The following AMACR variants were observed in gnomAD, a reference collection of about 807,000 sequenced individuals.
AMACR encodes 2-methylacyl-CoA racemase.
A neutral mutation model predicts 22.2 loss-of-function variants in AMACR; 18 were observed. The ratio of observed to expected loss-of-function variants is 0.81; its 90% CI spans 0.56 to 1.20. The LOEUF is 1.20. Ranked by LOEUF, AMACR falls within the 50% of genes most tolerant of loss-of-function variation. The pLI is 0.00. For synonymous variants in AMACR, 213 were observed against 191.3 expected (o/e 1.11, Z -0.94); for missense variants, 499 against 490.6 (o/e 1.02, Z -0.16).
chr5:33,992,130 C>T (rs571309675), intron 4 of AMACR, among the ~76,000 whole-genome samples: 3 of 152,184 alleles, frequency 2.0e-5, no homozygotes, highest in East Asian at 1.9e-4. Flanking sequence ...CCGCCCGCCT[C>T]GGCCTCCCAA....
chr5:33,993,333 C>T (rs1178210982), intron 4 of AMACR, among the ~76,000 whole-genome samples: 1 of 151,802 alleles, frequency 6.6e-6, no homozygotes, highest in Non-Finnish European at 1.5e-5. Flanking sequence ...TGTTGATGGA[C>T]ACTTGAGTTG....
chr5:34,005,834 C>T lies in AMACR; in HGVS notation c.313G>A (p.Ala105Thr). 1 of 1,614,148 alleles carries T rather than the reference C, an allele frequency of 6.2e-7. No individual in the cohort carries two copies. The highest frequency in any genetic ancestry group is 8.5e-7 in the Non-Finnish European group (1 of 1,180,028). Residue 105 changes from alanine (A) to threonine (T), a missense_variant, in exon 2 of 5, where the codon GCC becomes ACC. By Grantham distance (58) the Ala-to-Thr change is moderately conservative (BLOSUM62 0). Coordinates refer to ENST00000335606, the MANE Select transcript of AMACR (RefSeq NM_014324.6). ...LQRENPRLIY[A>T]RLSGFGQSGS... Reference sequence around the variant, plus strand: ...GACTGGCCAAATCCACTCAGCCTGGCATAAATAAGCCTTGGATTTTCCCGC... The same window carrying T: ...GACTGGCCAAATCCACTCAGCCTGGTATAAATAAGCCTTGGATTTTCCCGC...
intron 3 of AMACR, among the ~76,000 whole-genome samples, chr5:34,004,184 ACTT>A (rs949387152): frequency 6.6e-6 from 1 of 152,154 alleles, no homozygotes; most frequent in African/African-American, 2.4e-5. Flanking sequence ...GCTGAGGGAG[ACTT>A]CTTGAACTTT....
rs1753354860 is a variant in AMACR at position 33,988,199 on chromosome 5, T to C, written c.*894A>G. ...GGAAGCTCCAGGAGCAGGCTGGTTT[T>C]ATGTAAAGACAATCCCGTCTTCTTT... On this transcript the variant is annotated 3_prime_UTR_variant, in exon 5 of 5. Transcript: ENST00000335606. 2 of 1,024,302 alleles carry C rather than the reference T, an allele frequency of 2.0e-6. No homozygotes were observed. The highest frequency in any genetic ancestry group is 3.2e-5 in the African/African-American group (2 of 62,178). The allele number at this position is 1,024,302 out of a possible 1,614,324, so 63.5% of individuals were successfully genotyped here. A position where few individuals can be genotyped will look rare whatever the true frequency, so the allele number is the denominator to read the frequency against.
chr5:33,991,842 G>A (rs917724242), intron 4 of AMACR, among the ~76,000 whole-genome samples: 1 of 151,588 alleles, frequency 6.6e-6, no homozygotes, highest in African/African-American at 2.4e-5. Context: ...CCAGGTTCAC[G>A]CCATTCTTCC....
Position 33,986,813 on chromosome 5 carries a change from A to T in AMACR, c.*2280T>A, listed in dbSNP as rs867546073. 1 of 152,240 alleles carries T rather than the reference A, an allele frequency of 6.6e-6. No individual in the cohort carries two copies. 9.4% of individuals were successfully genotyped at this position (152,240 alleles called of 1,614,324 possible). A position where few individuals can be genotyped will look rare whatever the true frequency, so the allele number is the denominator to read the frequency against. ...GCTTTCCCATCACCCCTGCAACCAT[A>T]GGAGTGGTCTTGGCTTCCTAGTTAT... is the stretch of plus-strand genomic sequence containing the variant. On this transcript the variant is annotated 3_prime_UTR_variant, in exon 5 of 5. Coordinates refer to ENST00000335606, the MANE Select transcript of AMACR (RefSeq NM_014324.6).
At chr5:33,992,390 T>C (rs915929024) in intron 4 of AMACR, among the ~76,000 whole-genome samples, 1 of 149,806 alleles carries the variant, frequency 6.7e-6, no homozygotes, top group African/African-American at 2.4e-5. Context: ...TATATAATTA[T>C]ATATATAAAT....
intron 4 of AMACR, chr5:33,994,224 G>A (rs1012606508): frequency 9.1e-5 from 31 of 339,604 alleles, no homozygotes; most frequent in Non-Finnish European, 1.4e-4. Context: ...CTGTCACCCA[G>A]GCTGGAGGGC....
intron 1 of AMACR, among the ~76,000 whole-genome samples, chr5:34,006,316 T>C (rs1476319646): frequency 2.0e-5 from 3 of 152,232 alleles, no homozygotes; most frequent in Admixed American, 6.5e-5. Flanking sequence ...TTACACCTGA[T>C]GTTTCCACAG....
chr5:34,007,810 G>A lies in AMACR; in HGVS notation c.210C>T (p.Cys70=), dbSNP rs1754038461. 1.3e-6 allele frequency: 2 copies of A among 1,575,616 alleles called. No homozygotes were observed. Among genetic ancestry groups the A allele is most frequent in the South Asian group, 2.3e-5 (2 of 88,172 alleles). Residue 70 remains cysteine, a synonymous_variant, in exon 1 of 5, where the codon TGC becomes TGT. Transcript: ENST00000335606. ...PRGAAVLRRL[C]KRSDVLLEPF... is the part of the protein sequence containing the mutation. ...GCTCCAGCAGCACATCCGACCGCTTGCACAGACGCCGCAGCACGGCGGCTC... is the reference window on the plus strand; with the variant it reads ...GCTCCAGCAGCACATCCGACCGCTTACACAGACGCCGCAGCACGGCGGCTC...
At chr5:33,994,005 CAGATTATTTTTGTCCT>C in intron 4 of AMACR, 1 of 453,604 alleles carries the variant, frequency 2.2e-6, no homozygotes, top group South Asian at 1.6e-5. Flanking sequence ...TCAGTGTTTT[CAGATTATTTTTGTCCT>C]AGAAAATAGC....
chr5:33,989,343 A>G lies in AMACR; in HGVS notation c.899T>C (p.Phe300Ser). ...TDACVTPVLT[F>S]EEVVHHDHNK... ...GTGATCATGATGAACAACCTCCTCA[A>G]AAGTCAGAACCGGAGTCACACAGGC... is the stretch of plus-strand genomic sequence containing the variant. Residue 300 changes from phenylalanine to serine, a missense_variant, in exon 5 of 5, where the codon TTT (phenylalanine) becomes TCT (serine). Physicochemically the swap from Phe to Ser is radical, Grantham distance 155. Transcript: ENST00000335606. The G allele has an allele frequency of 6.2e-7, 1 of 1,614,128 alleles. No individual in the cohort carries two copies. The highest frequency in any genetic ancestry group is 1.1e-5 in the South Asian group (1 of 91,072).
At chr5:33,997,646 T>A in intron 4 of AMACR, 1 of 696,556 alleles carries the variant, frequency 1.4e-6, no homozygotes, top group Non-Finnish European at 2.6e-6. Context: ...CCAATTTATT[T>A]GGAGCAGTGA....
chr5:33,998,683 C>T lies in AMACR; in HGVS notation c.697G>A (p.Val233Ile), dbSNP rs1276576820. ...TAGAACTGGGGTTCTATTGCTCCAA[C>T]AGCCATGAATTCCCCATCTGCTGTC... ...YRTADGEFMA[V>I]GAIEPQFYEL... Residue 233 changes from valine (V) to isoleucine (I), a missense_variant, in exon 4 of 5, where the codon GTT becomes ATT. Physicochemically the swap from Val to Ile is conservative, Grantham distance 29. Coordinates refer to ENST00000335606, the MANE Select transcript of AMACR (RefSeq NM_014324.6). The T allele has an allele frequency of 6.2e-7, 1 of 1,613,460 alleles. No individual in the cohort carries two copies. The highest frequency in any genetic ancestry group is 8.5e-7 in the Non-Finnish European group (1 of 1,179,690).
intron 4 of AMACR, among the ~76,000 whole-genome samples, chr5:33,990,062 C>T (rs954575102): frequency 2.0e-5 from 3 of 152,078 alleles, no homozygotes; most frequent in African/African-American, 7.2e-5. Context: ...GCAAGCTACT[C>T]GGGAGGCTGA....
At position 34,005,950 on chromosome 5, in the gene AMACR, G is replaced by T. The variant is rs1306779870; in HGVS notation, c.248-51C>A. On this transcript the variant is annotated intron_variant, in intron 1 of 4. Transcript: ENST00000335606. ...TAAGAGAGTATGAATTGAGGATGGA[G>T]ATAATCCCTTCTCTGAGACAAACAT... 3.8e-6 allele frequency: 6 copies of T among 1,598,480 alleles called. 1 individual carries two copies. In the South Asian group the frequency reaches 6.6e-5, roughly 18 times the overall value.
At chr5:34,005,254 T>C (rs1039867723) in intron 2 of AMACR, among the ~76,000 whole-genome samples, 1 of 152,210 alleles carries the variant, frequency 6.6e-6, no homozygotes, top group Non-Finnish European at 1.5e-5. Flanking sequence ...CTATCTCACA[T>C]GTCGTCACAG....
At chr5:33,994,211 G>A (rs11742345) in intron 4 of AMACR, 166,372 of 354,094 alleles carry the variant, frequency 0.47, 43,232 homozygotes, top group Non-Finnish European at 0.56. Flanking sequence ...ACAGAGTCTC[G>A]CTCTGTCACC....
chr5:33,998,892 C>A, intron 3 of AMACR, 65 bp from the exon 4 acceptor site: 1 of 1,515,304 alleles, frequency 6.6e-7, no homozygotes. Flanking sequence ...AATAATTCCT[C>A]CCATTCAAGT....
Sources: allele counts gnomAD v4.1 joint callset (sites outside exome capture counted in the v4.1 genomes callset), GRCh38; gene constraint gnomAD v4.1.1; transcripts MANE v1.5; gene names NCBI Gene and HGNC (gene_info 2026-07-23, HGNC 2026-07-21).